Variants in PRKAR1B observed in about 807,000 individuals in gnomAD.
PRKAR1B encodes the protein cAMP-dependent protein kinase type I-beta regulatory subunit.
Under a neutral mutation model 46.5 loss-of-function variants are expected in PRKAR1B, and 22 were observed. The observed-to-expected ratio is 0.47, with a 90% CI of 0.34 to 0.68. PRKAR1B has a LOEUF of 0.68. Among genes scored for constraint, PRKAR1B ranks in the 30% least tolerant of loss-of-function variants. The pLI is 0.01. For synonymous variants in PRKAR1B, 259 were observed against 217.7 expected, an observed-to-expected ratio of 1.19 and a Z score of -1.67; for missense variants, 445 against 535.6, an observed-to-expected ratio of 0.83 and a Z score of 1.67.
rs1052780411 is a variant in PRKAR1B, at chr7:667,092, ATGG to A, written c.440+10134_440+10136del. Reference sequence around the variant, plus strand: ...GGTGATGGTGGGGATGGTGATGATGATGGTGGTGATAACGATGATGATGGCAAT... The same window carrying A: ...GGTGATGGTGGGGATGGTGATGATGATGGTGATAACGATGATGATGGCAAT... On this transcript the variant is annotated intron_variant, in intron 4 of 10. Coordinates refer to ENST00000537384, the MANE Select transcript of PRKAR1B (RefSeq NM_001164760.2). This position sits in a 1 kb window ranked among gnomAD's most constrained non-coding sequence, Gnocchi z 4.3. Among the ~76,000 whole-genome samples the A allele has an allele frequency of 8.4e-5, 12 of 143,438 alleles. No individual in the cohort carries two copies. The highest frequency in any genetic ancestry group is 2.4e-4 in the African/African-American group (9 of 37,414). 94.1% of individuals were successfully genotyped at this position (143,438 alleles called of 152,430 possible).
chr7:676,470 A>G (rs1182107049), intron 4 of PRKAR1B, among the ~76,000 whole-genome samples: 2 of 152,190 alleles, frequency 1.3e-5, no homozygotes, highest in Non-Finnish European at 2.9e-5. Context: ...ACGGCAAGGT[A>G]TATCCATGCA....
chr7:563,556 G>A (rs535311041), intron 9 of PRKAR1B, among the ~76,000 whole-genome samples: 2 of 152,204 alleles, frequency 1.3e-5, no homozygotes, highest in Non-Finnish European at 2.9e-5. Context: ...ATGCATGTGT[G>A]CACGTGTGAG....
At chr7:694,778 G>C (rs992341989) in intron 2 of PRKAR1B, among the ~76,000 whole-genome samples, 1 of 152,146 alleles carries the variant, frequency 6.6e-6, no homozygotes, top group African/African-American at 2.4e-5. Context: ...GCTCACACCT[G>C]TAATCCCAGC....
At position 550,352 on chromosome 7, in the gene PRKAR1B, G is replaced by C; in HGVS notation, c.*78C>G. On this transcript the variant is annotated 3_prime_UTR_variant, in exon 11 of 11. Transcript: ENST00000537384. ...CACCCGGCCCACACCTCACACAGCGGCTCCCGGGCCCCCGACACAGACGAG... is the reference window on the plus strand; with the variant it reads ...CACCCGGCCCACACCTCACACAGCGCCTCCCGGGCCCCCGACACAGACGAG... 7.1e-7 allele frequency: 1 copy of C among 1,400,060 alleles called. No individual in the cohort carries two copies. Among genetic ancestry groups the C allele is most frequent in the Non-Finnish European group, 9.8e-7 (1 of 1,016,244 alleles). The allele number at this position is 1,400,060 out of a possible 1,614,324, so 86.7% of individuals were successfully genotyped here. A position where few individuals can be genotyped will look rare whatever the true frequency, so the allele number is the denominator to read the frequency against.
intron 2 of PRKAR1B, among the ~76,000 whole-genome samples, chr7:709,341 G>T (rs1239004692): frequency 6.6e-6 from 1 of 150,650 alleles, no homozygotes; most frequent in African/African-American, 2.4e-5. Flanking sequence ...GTGTATGCAT[G>T]TGTGTATGCA....
rs915848808 is a variant in PRKAR1B, at chr7:726,938, G to C, written c.-23+272C>G. ...GACCCCACCGCTTTCCAGGGCCCCT[G>C]GGCGCGCCTACTGCTGCCGCGCTTG... On this transcript the variant is annotated intron_variant, in intron 1 of 10. Transcript: ENST00000537384. 2.1e-5 allele frequency: 28 copies of C among 1,340,958 alleles called. 1 individual carries two copies. Among genetic ancestry groups the C allele is most frequent in the Admixed American group, 3.2e-5 (1 of 31,006 alleles). 83.1% of individuals were successfully genotyped at this position (1,340,958 alleles called of 1,614,324 possible).
intron 4 of PRKAR1B, among the ~76,000 whole-genome samples, chr7:612,141 ATG>A (rs1782543886): frequency 7.8e-6 from 1 of 128,450 alleles, no homozygotes; most frequent in Non-Finnish European, 1.6e-5. Flanking sequence ...GGATGGATGG[ATG>A]TAAGGATGGA....
At position 558,489 on chromosome 7, in the gene PRKAR1B, C is replaced by G. The variant is rs192763808; in HGVS notation, c.892-7019G>C. On this transcript the variant is annotated intron_variant, in intron 9 of 10. Transcript: ENST00000537384. Reference sequence around the variant, plus strand: ...AGGAAAACCAGGCCAGGCGTGGTGGCTCACTCCTATAATCCCAGCATTTTG... The same window carrying G: ...AGGAAAACCAGGCCAGGCGTGGTGGGTCACTCCTATAATCCCAGCATTTTG... 7.9e-4 allele frequency among the ~76,000 whole-genome samples: 120 copies of G among 152,138 alleles called. No individual in the cohort carries two copies. The East Asian group carries it at 0.022, about 28-fold the overall frequency.
intron 4 of PRKAR1B, among the ~76,000 whole-genome samples, chr7:651,788 A>G (rs1457072646): frequency 1.8e-5 from 2 of 110,006 alleles, no homozygotes; most frequent in East Asian, 3.1e-4. Context: ...TCACACCCAC[A>G]CAGCGCTAGG....
intron 4 of PRKAR1B, among the ~76,000 whole-genome samples, chr7:616,782 C>A (rs563373985): frequency 3.7e-4 from 57 of 152,320 alleles, no homozygotes; most frequent in African/African-American, 1.1e-3. Context: ...ACATTCAGGA[C>A]AAGATCTGAC....
chr7:605,183 GC>G (rs1562556305), intron 6 of PRKAR1B, among the ~76,000 whole-genome samples: 2 of 152,232 alleles, frequency 1.3e-5, no homozygotes, highest in Non-Finnish European at 2.9e-5. Context: ...CCCTGGGGCC[GC>G]CAGTGCAGGC....
intron 9 of PRKAR1B, among the ~76,000 whole-genome samples, chr7:553,852 T>C (rs1416760422): frequency 1.3e-5 from 2 of 152,230 alleles, no homozygotes; most frequent in Non-Finnish European, 2.9e-5. Flanking sequence ...GATCCGGCCG[T>C]GGGGCCACTC....
chr7:679,943 G>T (rs990838754), intron 3 of PRKAR1B, among the ~76,000 whole-genome samples: 1 of 152,098 alleles, frequency 6.6e-6, no homozygotes, highest in African/African-American at 2.4e-5. Flanking sequence ...CATATCACAA[G>T]GTCAGGAGAT....
At chr7:653,801 T>A (rs1049323390) in intron 4 of PRKAR1B, among the ~76,000 whole-genome samples, 2 of 152,164 alleles carry the variant, frequency 1.3e-5, no homozygotes, top group Non-Finnish European at 2.9e-5. Flanking sequence ...TGTGGTGTTA[T>A]AACTAGTGCT....
At chr7:659,156 A>G (rs929778019) in intron 4 of PRKAR1B, among the ~76,000 whole-genome samples, 2 of 152,132 alleles carry the variant, frequency 1.3e-5, no homozygotes, top group African/African-American at 4.8e-5. Flanking sequence ...CACCCCCTGC[A>G]CCACCTTGTG....
In PRKAR1B at chr7:616,849, G is replaced by A. The variant is rs546034268; in HGVS notation, c.441-9397C>T. On this transcript the variant is annotated intron_variant, in intron 4 of 10. Transcript: ENST00000537384. Reference sequence around the variant, plus strand: ...ACCTCATGTATTTTTGGGAAAAAAAGTACAAATGGGGTGAAGCGCCTCGGG... The same window carrying A: ...ACCTCATGTATTTTTGGGAAAAAAAATACAAATGGGGTGAAGCGCCTCGGG... Among the ~76,000 whole-genome samples the A allele has an allele frequency of 2.6e-5, 4 of 152,286 alleles. No homozygotes were observed. The East Asian group carries it at 7.7e-4, about 29-fold the overall frequency.
intron 6 of PRKAR1B, among the ~76,000 whole-genome samples, chr7:596,949 G>A (rs1193601053): frequency 6.6e-6 from 1 of 152,280 alleles, no homozygotes; most frequent in East Asian, 1.9e-4. Context: ...CTGCGGCCGA[G>A]CTGCGCCTGG....
intron 9 of PRKAR1B, among the ~76,000 whole-genome samples, chr7:577,675 C>T (rs1357286288): frequency 1.3e-5 from 2 of 151,956 alleles, no homozygotes; most frequent in African/African-American, 2.4e-5. Context: ...AGCATGAATC[C>T]GAAGGGAGGG....
rs13230580 is a variant in PRKAR1B, at chr7:561,236, A to G, written c.892-9766T>C. 6.5e-3 allele frequency among the ~76,000 whole-genome samples: 979 copies of G among 151,644 alleles called. 3 individuals are homozygous for G. The highest frequency in any genetic ancestry group is 0.017 in the Middle Eastern group (5 of 294). On this transcript the variant is annotated intron_variant, in intron 9 of 10. Transcript: ENST00000537384. ...CACACAGGCACACAAACCTGTGCGCACACACCTAGGCACAAACACACAGGC... is the reference window on the plus strand; with the variant it reads ...CACACAGGCACACAAACCTGTGCGCGCACACCTAGGCACAAACACACAGGC...
Sources: allele counts gnomAD v4.1 joint callset (sites outside exome capture counted in the v4.1 genomes callset), GRCh38; gene constraint gnomAD v4.1.1; non-coding constraint Gnocchi (gnomAD v3.1); transcripts MANE v1.5; gene names NCBI Gene and HGNC (gene_info 2026-07-23, HGNC 2026-07-21).